Variants in SULT6B1 observed in about 807,000 individuals in gnomAD.
SULT6B1 encodes sulfotransferase family 6B member 1.
A neutral mutation model predicts 37.2 loss-of-function variants in SULT6B1; 44 were observed. That is an observed-to-expected ratio of 1.18 (90% CI 0.93 to 1.52). The LOEUF (loss-of-function observed/expected upper bound fraction) is 1.52. SULT6B1 is among the 40% of genes most tolerant of loss of function. SULT6B1 has a pLI of 0.00. For synonymous variants in SULT6B1, 140 were observed against 126.0 expected (o/e 1.11, Z -0.74); for missense variants, 450 against 361.0 (o/e 1.25, Z -2.00).
At chr2:37,171,737 T>C (rs1039041883) in intron 5 of SULT6B1, 147 bp from the exon 6 acceptor site, 23 of 665,004 alleles carry the variant, frequency 3.5e-5, no homozygotes, top group Middle Eastern at 4.1e-4. Context: ...TTTCATCTTC[T>C]TATGTAAATA....
intron 4 of SULT6B1, among the ~76,000 whole-genome samples, chr2:37,178,257 A>T (rs1405196965): frequency 6.6e-6 from 1 of 151,272 alleles, no homozygotes; most frequent in Non-Finnish European, 1.5e-5. Flanking sequence ...TTATTTTTTG[A>T]GTTGGAGTTT....
chr2:37,171,512 C>T lies in SULT6B1; in HGVS notation c.703G>A (p.Val235Ile), dbSNP rs1676298116. ...LTGEQIQTIS[V>I]QSTFQAMRAK... ...CGCATGGCTTGGAAGGTGCTCTGGACTGAGATAGTTTGAATTTGCTCCCCA... is the reference window on the plus strand; with the variant it reads ...CGCATGGCTTGGAAGGTGCTCTGGATTGAGATAGTTTGAATTTGCTCCCCA... Residue 235 changes from valine to isoleucine, a missense_variant, in exon 6 of 7, where the codon GTC (valine) becomes ATC (isoleucine). Val to Ile is a conservative substitution (Grantham distance 29). Transcript: ENST00000535679. 6.2e-7 allele frequency: 1 copy of T among 1,614,048 alleles called. No homozygotes were observed. Among genetic ancestry groups the T allele is most frequent in the Non-Finnish European group, 8.5e-7 (1 of 1,180,030 alleles).
upstream of SULT6B1, among the ~76,000 whole-genome samples, chr2:37,190,704 C>A (rs1004350400): frequency 5.3e-5 from 8 of 152,056 alleles, no homozygotes; most frequent in African/African-American, 1.9e-4. Flanking sequence ...TAAAATTGAC[C>A]ATAGCGTTTT....
chr2:37,176,774 G>C (rs1274780915), intron 4 of SULT6B1, among the ~76,000 whole-genome samples: 4 of 152,012 alleles, frequency 2.6e-5, no homozygotes, highest in Non-Finnish European at 5.9e-5. Context: ...TCTGTTTCTT[G>C]ATATCCTGCC....
At chr2:37,170,884 A>AT (rs1676281988) in intron 6 of SULT6B1, among the ~76,000 whole-genome samples, 1 of 152,106 alleles carries the variant, frequency 6.6e-6, no homozygotes, top group Non-Finnish European at 1.5e-5. Flanking sequence ...TTCAGCTGCT[A>AT]TCTTGTTTTC....
upstream of SULT6B1, among the ~76,000 whole-genome samples, chr2:37,192,141 A>G (rs1676792087): frequency 6.6e-6 from 1 of 152,248 alleles, no homozygotes; most frequent in African/African-American, 2.4e-5. Flanking sequence ...AACCTGCATC[A>G]CTAAAACATT....
intron 5 of SULT6B1, among the ~76,000 whole-genome samples, chr2:37,173,420 G>A (rs74541313): frequency 0.024 from 3,625 of 152,146 alleles, 65 homozygotes; most frequent in Middle Eastern, 0.058. Flanking sequence ...TTTAAAGCAC[G>A]GCTATGTGTC....
chr2:37,188,382 T>C, intron 1 of SULT6B1, 60 bp downstream of exon 1: 1 of 1,453,766 alleles, frequency 6.9e-7, no homozygotes, highest in South Asian at 1.2e-5. Context: ...CTTTGTCTCA[T>C]ACCCTCCCCA....
At position 37,184,934 on chromosome 2, in the gene SULT6B1, C is replaced by A. The variant is rs548642344; in HGVS notation, c.313-1420G>T. Among the ~76,000 whole-genome samples, 3 of 152,114 alleles carry A rather than the reference C, an allele frequency of 2.0e-5. No individual in the cohort carries two copies. The East Asian group carries it at 5.8e-4, about 29-fold the overall frequency. On this transcript the variant is annotated intron_variant, in intron 2 of 6. Transcript: ENST00000535679. The stretch of plus-strand genomic sequence containing the variant: ...CGCACTTTAAATCAATGATATGGAT[C>A]CAAGCGGTGACTAGCAGTGTAAAAT...
intron 2 of SULT6B1, among the ~76,000 whole-genome samples, chr2:37,186,745 A>G (rs1219620932): frequency 6.6e-6 from 1 of 152,120 alleles, no homozygotes; most frequent in East Asian, 1.9e-4. Flanking sequence ...AATTAAAAAA[A>G]ATTAACCAGG....
chr2:37,184,057 C>T (rs965448855), intron 2 of SULT6B1, among the ~76,000 whole-genome samples: 1 of 152,164 alleles, frequency 6.6e-6, no homozygotes, highest in Middle Eastern at 3.2e-3. Flanking sequence ...CTTACCATTT[C>T]CCAATCATTT....
At chr2:37,187,849 A>G (rs1311377189) in intron 1 of SULT6B1, among the ~76,000 whole-genome samples, 1 of 151,060 alleles carries the variant, frequency 6.6e-6, no homozygotes, top group Non-Finnish European at 1.5e-5. Context: ...TTTTATGAAA[A>G]CACAGCATCA....
At chr2:37,173,337 CT>C (rs1338422849) in intron 5 of SULT6B1, among the ~76,000 whole-genome samples, 1 of 152,108 alleles carries the variant, frequency 6.6e-6, no homozygotes, top group African/African-American at 2.4e-5. Flanking sequence ...TTTCCCCAAA[CT>C]CTTTAAATTG....
upstream of SULT6B1, among the ~76,000 whole-genome samples, chr2:37,193,377 G>T (rs576366975): frequency 3.3e-5 from 5 of 151,730 alleles, no homozygotes; most frequent in Non-Finnish European, 7.4e-5. Context: ...CAAGAGAATC[G>T]CTTGAATCCG....
rs1190270404 is a variant in SULT6B1 at position 37,187,345 on chromosome 2, T to C, written c.312+10A>G. The C allele has an allele frequency of 6.6e-7, 1 of 1,515,544 alleles. No individual in the cohort carries two copies. The highest frequency in any genetic ancestry group is 1.4e-5 in the African/African-American group (1 of 72,614). 93.9% of individuals were successfully genotyped at this position (1,515,544 alleles called of 1,614,324 possible). ...AATTTGCTGTAAGGTTAAAGGCTGGTTGTACTAACCTGATATTTTTCTGAA... is the reference window on the plus strand; with the variant it reads ...AATTTGCTGTAAGGTTAAAGGCTGGCTGTACTAACCTGATATTTTTCTGAA... On this transcript the variant is annotated intron_variant, in intron 2 of 6. Transcript: ENST00000535679.
intron 1 of SULT6B1, among the ~76,000 whole-genome samples, chr2:37,188,075 T>G (rs981088618): frequency 6.6e-6 from 1 of 152,200 alleles, no homozygotes; most frequent in South Asian, 2.1e-4. Context: ...ATTATAGAAG[T>G]GGCTGTGCTT....
intron 1 of SULT6B1, among the ~76,000 whole-genome samples, chr2:37,194,897 TTTCCTTCC>T (rs376397934): frequency 0.02 from 1,351 of 68,414 alleles, 39 homozygotes; most frequent in Middle Eastern, 0.036. Context: ...TCCTTCCTTC[TTTCCTTCC>T]TTCCTTCCTT....
chr2:37,194,894 T>C (rs1676870735), intron 1 of SULT6B1, among the ~76,000 whole-genome samples: 2 of 30,016 alleles, frequency 6.7e-5, no homozygotes, highest in African/African-American at 1.5e-4. Flanking sequence ...CCTTCCTTCC[T>C]TCTTTCCTTC....
At chr2:37,189,588 C>A (rs1676741920), upstream of SULT6B1, among the ~76,000 whole-genome samples, 1 of 152,188 alleles carries the variant, frequency 6.6e-6, no homozygotes, top group African/African-American at 2.4e-5. Flanking sequence ...GGGAAGTAAG[C>A]ATGTGCAGTG....
Sources: allele counts gnomAD v4.1 joint callset (sites outside exome capture counted in the v4.1 genomes callset), GRCh38; gene constraint gnomAD v4.1.1; transcripts MANE v1.5; gene names NCBI Gene and HGNC (gene_info 2026-07-23, HGNC 2026-07-21).